LRBA: variants seen among roughly 807,000 people sequenced by gnomAD.
LRBA encodes the protein lipopolysaccharide-responsive and beige-like anchor protein.
Under a neutral mutation model 330.0 loss-of-function variants are expected in LRBA, and 176 were observed. The ratio of observed to expected loss-of-function variants is 0.53; its 90% CI spans 0.47 to 0.60. LRBA has a LOEUF of 0.60. Among genes scored for constraint, LRBA ranks in the 20% least tolerant of loss-of-function variants. LRBA has a pLI of 0.00. For synonymous variants in LRBA, 1,230 were observed against 1,193.0 expected, an observed-to-expected ratio of 1.03 and a Z score of -0.64; for missense variants, 3,259 against 3,444.8, an observed-to-expected ratio of 0.95 and a Z score of 1.35.
chr4:150,853,367 A>G (rs986992068), intron 22 of LRBA, among the ~76,000 whole-genome samples: 1 of 152,200 alleles, frequency 6.6e-6, no homozygotes, highest in Non-Finnish European at 1.5e-5. Context: ...GATTAAAAAT[A>G]TCAATTAATT....
At chr4:150,441,932 C>T (rs1581323092) in intron 44 of LRBA, among the ~76,000 whole-genome samples, 1 of 152,010 alleles carries the variant, frequency 6.6e-6, no homozygotes, top group Non-Finnish European at 1.5e-5. Flanking sequence ...GGCACACACA[C>T]AAAAAAATAC....
intron 56 of LRBA, among the ~76,000 whole-genome samples, chr4:150,270,947 T>G (rs1403595761): frequency 3.9e-5 from 6 of 152,240 alleles, no homozygotes; most frequent in Admixed American, 3.9e-4. Context: ...AGATCTGGTC[T>G]GCAGCTCCCA....
intron 36 of LRBA, among the ~76,000 whole-genome samples, chr4:150,731,952 A>G (rs942392894): frequency 1.2e-4 from 19 of 152,316 alleles, no homozygotes; most frequent in South Asian, 1.0e-3. Context: ...TATCTCATGT[A>G]CTACATAAAT....
chr4:150,979,255 G>GA (rs543183913), intron 2 of LRBA, among the ~76,000 whole-genome samples: 16 of 152,162 alleles, frequency 1.1e-4, no homozygotes, highest in African/African-American at 3.6e-4. Context: ...GGTGCAGACG[G>GA]AAAAAAACTC....
intron 37 of LRBA, among the ~76,000 whole-genome samples, chr4:150,653,935 G>C (rs185326732): frequency 6.6e-6 from 1 of 152,182 alleles, no homozygotes; most frequent in Admixed American, 6.5e-5. Flanking sequence ...AGTAACAATA[G>C]CAATACTACT....
intron 47 of LRBA, among the ~76,000 whole-genome samples, chr4:150,392,852 G>T (rs561837360): frequency 3.7e-4 from 56 of 151,148 alleles, no homozygotes; most frequent in African/African-American, 1.3e-3. Flanking sequence ...CCTATCGAGG[G>T]GTGGGGGGCA....
chr4:150,403,447 T>C (rs933214880), intron 47 of LRBA, among the ~76,000 whole-genome samples: 1 of 152,200 alleles, frequency 6.6e-6, no homozygotes, highest in African/African-American at 2.4e-5. Flanking sequence ...CATGATAATT[T>C]ACACAAAGAT....
At chr4:150,426,784 G>T (rs1428384095) in intron 46 of LRBA, among the ~76,000 whole-genome samples, 1 of 151,706 alleles carries the variant, frequency 6.6e-6, no homozygotes, top group Non-Finnish European at 1.5e-5. Flanking sequence ...AATACTTCCT[G>T]CCAAATAACT....
At chr4:150,394,455 A>C (rs927879188) in intron 47 of LRBA, among the ~76,000 whole-genome samples, 3 of 152,222 alleles carry the variant, frequency 2.0e-5, no homozygotes, top group Non-Finnish European at 4.4e-5. Context: ...ATATTCACTG[A>C]AAGTTTACTA....
intron 24 of LRBA, among the ~76,000 whole-genome samples, chr4:150,850,345 C>T (rs969367485): frequency 2.6e-5 from 4 of 152,104 alleles, no homozygotes; most frequent in Non-Finnish European, 4.4e-5. Context: ...CCGCCTGCAT[C>T]GGCCTCCCAA....
intron 37 of LRBA, among the ~76,000 whole-genome samples, chr4:150,608,352 G>C (rs1177525277): frequency 6.6e-6 from 1 of 152,168 alleles, no homozygotes; most frequent in Middle Eastern, 3.2e-3. Context: ...GAAAGGGCAG[G>C]AGAAAGATGG....
At chr4:150,953,206 C>T (rs1737050424) in intron 2 of LRBA, among the ~76,000 whole-genome samples, 1 of 152,250 alleles carries the variant, frequency 6.6e-6, no homozygotes, top group East Asian at 1.9e-4. Flanking sequence ...AACAACTCAG[C>T]AGAAGATCAA....
intron 40 of LRBA, among the ~76,000 whole-genome samples, chr4:150,538,719 G>C (rs542291773): frequency 3.6e-4 from 55 of 151,970 alleles, no homozygotes; most frequent in African/African-American, 1.3e-3. Flanking sequence ...CCAACACTTT[G>C]GGAGGCTGAG....
intron 2 of LRBA, among the ~76,000 whole-genome samples, chr4:150,966,475 A>ATTTT (rs36013649): frequency 8.7e-6 from 1 of 114,608 alleles, no homozygotes; most frequent in African/African-American, 3.4e-5. Context: ...CACCCAGCTA[A>ATTTT]TTTTTTTTTT....
chr4:150,875,335 G>T (rs887430587), intron 17 of LRBA, among the ~76,000 whole-genome samples: 7 of 152,172 alleles, frequency 4.6e-5, no homozygotes, highest in Admixed American at 2.6e-4. Flanking sequence ...CCTGGATTAG[G>T]AGTTTAGGCC....
At chr4:150,292,708 A>G (rs188889560) in intron 53 of LRBA, among the ~76,000 whole-genome samples, 6 of 152,326 alleles carry the variant, frequency 3.9e-5, no homozygotes, top group Admixed American at 3.9e-4. Flanking sequence ...GAAAGGAGTA[A>G]AACACAGCCT....
chr4:150,806,432 A>C (rs1742802864), intron 32 of LRBA, 28 bp from the exon 33 acceptor site: 1 of 1,517,250 alleles, frequency 6.6e-7, no homozygotes. Flanking sequence ...AGTTACTTGA[A>C]CTATTCAACA....
Position 150,350,028 on chromosome 4 carries a change from G to A in LRBA, c.7326C>T (p.Val2442=). The A allele has an allele frequency of 4.3e-6, 7 of 1,613,672 alleles. No individual in the cohort carries two copies. Among genetic ancestry groups the A allele is most frequent in the Non-Finnish European group, 5.9e-6 (7 of 1,179,788 alleles). Residue 2442 remains valine, a synonymous_variant, in exon 48 of 57, where the codon GTC becomes GTT. Coordinates refer to ENST00000651943, the MANE Select transcript of LRBA (RefSeq NM_001364905.1). The part of the protein sequence containing the change: ...VFYYLTYEGA[V]NLNSITDPVL... ...CAGGATCAGTTATTGAATTCAGATT[G>A]ACAGCTCCTTCATAGGTCAAGTAAT... is the stretch of plus-strand genomic sequence containing the variant.
intron 35 of LRBA, among the ~76,000 whole-genome samples, chr4:150,741,695 A>G (rs568869942): frequency 1.1e-4 from 16 of 152,348 alleles, no homozygotes; most frequent in Middle Eastern, 3.4e-3. Context: ...AAAAGAATCA[A>G]TATTATGCAT....
Sources: allele counts gnomAD v4.1 joint callset (sites outside exome capture counted in the v4.1 genomes callset), GRCh38; gene constraint gnomAD v4.1.1; transcripts MANE v1.5; gene names NCBI Gene and HGNC (gene_info 2026-07-23, HGNC 2026-07-21).